Variants in PDE4D observed in about 807,000 individuals in gnomAD.
The protein encoded by PDE4D is phosphodiesterase 4D.
A neutral mutation model predicts 87.4 loss-of-function variants in PDE4D; 24 were observed. That is an observed-to-expected ratio of 0.27 (90% CI 0.20 to 0.39). The LOEUF is 0.39. Among genes scored for constraint, PDE4D ranks in the 10% least tolerant of loss-of-function variants. PDE4D has a pLI of 1.00. For synonymous variants in PDE4D, 384 were observed against 383.2 expected (o/e 1.00, Z -0.02); for missense variants, 714 against 1,041.0 (o/e 0.69, Z 4.32).
chr5:59,435,841 G>A (rs780132900), intron 1 of PDE4D, among the ~76,000 whole-genome samples: 5 of 152,198 alleles, frequency 3.3e-5, no homozygotes, highest in Admixed American at 6.5e-5. Flanking sequence ...TACATTGGAA[G>A]TAGTGGAGCT....
chr5:59,365,159 A>G (rs1427624133), intron 1 of PDE4D, among the ~76,000 whole-genome samples: 2 of 152,200 alleles, frequency 1.3e-5, no homozygotes, highest in Non-Finnish European at 2.9e-5. Context: ...GAAAAAATGT[A>G]TATAATTAAG....
intron 1 of PDE4D, among the ~76,000 whole-genome samples, chr5:59,309,925 G>C (rs1772231366): frequency 1.3e-5 from 2 of 152,098 alleles, no homozygotes; most frequent in African/African-American, 4.8e-5. Flanking sequence ...TCTGTGCCTT[G>C]CCATCTTTGG....
intron 1 of PDE4D, among the ~76,000 whole-genome samples, chr5:59,440,980 T>C (rs1226116520): frequency 6.6e-6 from 1 of 152,188 alleles, no homozygotes; most frequent in Non-Finnish European, 1.5e-5. Flanking sequence ...ATATCGAAAA[T>C]TTAAATATTG....
At chr5:60,299,482 A>C (rs953628295) in intron 1 of PDE4D, among the ~76,000 whole-genome samples, 1 of 152,142 alleles carries the variant, frequency 6.6e-6, no homozygotes, top group African/African-American at 2.4e-5. Flanking sequence ...GTTGCTGCAC[A>C]GATCATCCCA....
At position 60,035,125 on chromosome 5, in the gene PDE4D, G is replaced by A. The variant is rs189571553; in HGVS notation, c.43-46408C>T. Among the ~76,000 whole-genome samples, 13 of 152,152 alleles carry A rather than the reference G, an allele frequency of 8.5e-5. No individual in the cohort carries two copies. The East Asian group carries it at 1.2e-3, about 14-fold the overall frequency. On this transcript the variant is annotated intron_variant, in intron 2 of 16. Coordinates refer to the PDE4D transcript ENST00000502484. ...ACAAAAATTAGCCGGGCATGGTGAC[G>A]TATGCCTGTAGTCCCAGCTACTCGG... is the stretch of plus-strand genomic sequence containing the variant.
intron 1 of PDE4D, among the ~76,000 whole-genome samples, chr5:59,327,132 TACACACACACACACACACACACAC>T (rs3061651): frequency 7.1e-6 from 1 of 141,780 alleles, no homozygotes; most frequent in Non-Finnish European, 1.5e-5. Flanking sequence ...GAAACAGAAA[TACACACACACACACACACACACAC>T]ACACACACAC....
At chr5:59,166,529 A>AT (rs1781950218) in intron 5 of PDE4D, 1 of 152,160 alleles carries the variant, frequency 6.6e-6, no homozygotes, top group Non-Finnish European at 1.5e-5. Flanking sequence ...TAGAATTCAG[A>AT]TTTTGTCTCC....
intron 1 of PDE4D, among the ~76,000 whole-genome samples, chr5:59,439,770 G>C (rs1797319056): frequency 2.0e-5 from 3 of 152,136 alleles, no homozygotes; most frequent in South Asian, 4.1e-4. Flanking sequence ...TTGGGATATA[G>C]GGGACATAGG....
intron 5 of PDE4D, among the ~76,000 whole-genome samples, chr5:59,176,586 G>A (rs991548244): frequency 6.6e-6 from 1 of 151,764 alleles, no homozygotes; most frequent in Non-Finnish European, 1.5e-5. Flanking sequence ...AAATTCTCCT[G>A]GCTTTAATAC....
chr5:59,581,993 T>C (rs987893286), intron 1 of PDE4D, among the ~76,000 whole-genome samples: 4 of 152,154 alleles, frequency 2.6e-5, no homozygotes, highest in Non-Finnish European at 4.4e-5. Context: ...AATTATGAGC[T>C]CCATCTAAAC....
At chr5:59,112,928 G>A (rs1482522249) in intron 5 of PDE4D, among the ~76,000 whole-genome samples, 2 of 151,726 alleles carry the variant, frequency 1.3e-5, no homozygotes, top group African/African-American at 4.8e-5. Context: ...AGCCTCCTGA[G>A]TAGCTGGGAT....
intron 1 of PDE4D, among the ~76,000 whole-genome samples, chr5:59,748,128 T>C (rs192015331): frequency 6.6e-6 from 1 of 152,314 alleles, no homozygotes; most frequent in East Asian, 1.9e-4. Context: ...CTTTGAGTAG[T>C]CCTCTCTCAC....
At chr5:59,309,400 C>T (rs1046732564) in intron 1 of PDE4D, among the ~76,000 whole-genome samples, 15 of 152,180 alleles carry the variant, frequency 9.9e-5, no homozygotes, top group African/African-American at 3.4e-4. Context: ...GCATGGATGG[C>T]CTGCTAGGGG....
rs1351325355 is a variant in PDE4D, at chr5:59,397,495, A to C, written c.456-181527T>G. 1.7e-5 allele frequency among the ~76,000 whole-genome samples: 2 copies of C among 117,314 alleles called. 1 individual carries two copies. The highest frequency in any genetic ancestry group is 6.9e-5 in the African/African-American group (2 of 28,886). 77.0% of individuals were successfully genotyped at this position (117,314 alleles called of 152,430 possible). The stretch of plus-strand genomic sequence containing the variant: ...CTGAATGACTACTGGGTACATAATG[A>C]AATGAAGGCAGAAATAAAGATGTTC... On this transcript the variant is annotated intron_variant, in intron 1 of 14. Coordinates refer to ENST00000340635, the MANE Select transcript of PDE4D (RefSeq NM_001104631.2).
intron 2 of PDE4D, among the ~76,000 whole-genome samples, chr5:60,097,191 G>A (rs910439700): frequency 4.0e-5 from 6 of 151,736 alleles, no homozygotes; most frequent in Admixed American, 1.3e-4. Context: ...TGAAAAACAT[G>A]TGAAGGAGAA....
At chr5:60,375,938 C>T (rs1179435383) in intron 1 of PDE4D, among the ~76,000 whole-genome samples, 1 of 152,106 alleles carries the variant, frequency 6.6e-6, no homozygotes, top group African/African-American at 2.4e-5. Flanking sequence ...ACTTGGGAGG[C>T]TGAGGCAGGA....
chr5:59,950,439 A>G (rs1462587852), intron 3 of PDE4D, among the ~76,000 whole-genome samples: 2 of 152,184 alleles, frequency 1.3e-5, no homozygotes, highest in Non-Finnish European at 2.9e-5. Context: ...AGTAATATTC[A>G]TAAGTATTAT....
At chr5:59,837,671 A>AT (rs1742342982) in intron 1 of PDE4D, among the ~76,000 whole-genome samples, 1 of 152,006 alleles carries the variant, frequency 6.6e-6, no homozygotes, top group Admixed American at 6.5e-5. Flanking sequence ...AAATTATGAG[A>AT]TTTTTCCCTA....
At chr5:60,093,427 G>A (rs1775345826) in intron 2 of PDE4D, among the ~76,000 whole-genome samples, 1 of 152,102 alleles carries the variant, frequency 6.6e-6, no homozygotes, top group Admixed American at 6.5e-5. Context: ...ATTATTTTTT[G>A]AGGCTCTTCT....
Sources: gnomAD v4.1 joint callset for allele counts (sites outside exome capture counted in the v4.1 genomes callset) on GRCh38, gnomAD v4.1.1 for gene constraint, MANE v1.5 for transcripts, NCBI Gene and HGNC (gene_info 2026-07-23, HGNC 2026-07-21) for gene names.